ZNF16: variants seen among roughly 807,000 people sequenced by gnomAD.
The protein encoded by ZNF16 is zinc finger protein KOX9.
A neutral mutation model predicts 9.0 loss-of-function variants in ZNF16; 7 were observed. The observed-to-expected ratio is 0.78, with a 90% CI of 0.44 to 1.47. The LOEUF (loss-of-function observed/expected upper bound fraction) is 1.47. Among genes scored for constraint, ZNF16 ranks in the 40% most tolerant of loss-of-function variants. ZNF16 has a pLI of 0.01. For synonymous variants in ZNF16, 312 were observed against 301.5 expected (o/e 1.03, Z -0.36); for missense variants, 830 against 854.2 (o/e 0.97, Z 0.35).
At chr8:144,946,698 T>C (rs1446894252) in intron 1 of ZNF16, among the ~76,000 whole-genome samples, 5 of 112,386 alleles carry the variant, frequency 4.4e-5, no homozygotes, top group African/African-American at 1.9e-4. Context: ...TACCCTGCTG[T>C]GGGCCCGTGT....
At chr8:144,947,937 T>C (rs1362738275) in intron 1 of ZNF16, 1 of 152,256 alleles carries the variant, frequency 6.6e-6, no homozygotes, top group Non-Finnish European at 1.5e-5. Flanking sequence ...AGCACTGACA[T>C]ACCTCAGCCC....
Position 144,933,414 on chromosome 8 carries a change from CAGAA to C in ZNF16, c.197-828_197-825del, listed in dbSNP as rs1833604561. Among the ~76,000 whole-genome samples the C allele has an allele frequency of 1.3e-5, 2 of 152,186 alleles. No homozygotes were observed. Among genetic ancestry groups the C allele is most frequent in the Non-Finnish European group, 2.9e-5 (2 of 68,034 alleles). On this transcript the variant is annotated intron_variant, in intron 2 of 2. Transcript: ENST00000394909. The surrounding 1 kb of genome is among the most constrained non-coding windows in gnomAD (Gnocchi z 5.6). ...ACAATGTGCGTCATCTTTCCGCAGA[CAGAA>C]ATGCACACAAAGCTCCGTGTCTGCC...
rs371030277 is a variant in ZNF16, at chr8:144,931,624, T to C, written c.1163A>G (p.Gln388Arg). 8.7e-6 allele frequency: 14 copies of C among 1,613,982 alleles called. No homozygotes were observed. The African/African-American group carries it at 1.9e-4, about 22-fold the overall frequency. The change falls in exon 3 of 3, where the codon CAG becomes CGG. Residue 388 changes from glutamine (Q) to arginine (R), a missense_variant. Physicochemically the swap from Gln to Arg is conservative, Grantham distance 43 (BLOSUM62 1). Coordinates refer to ENST00000394909, the MANE Select transcript of ZNF16 (RefSeq NM_006958.3). ...ECGECGKAFS[Q>R]SAHLRKHQRV... ...CTGGTGCTTCCTCAGGTGTGCACTCTGGCTGAAGGCTTTCCCACACTCGCC... is the reference window on the plus strand; with the variant it reads ...CTGGTGCTTCCTCAGGTGTGCACTCCGGCTGAAGGCTTTCCCACACTCGCC...
At chr8:144,942,659 A>T (rs2130037688) in intron 2 of ZNF16, among the ~76,000 whole-genome samples, 1 of 152,312 alleles carries the variant, frequency 6.6e-6, no homozygotes, top group East Asian at 1.9e-4. Context: ...AAAACAACTG[A>T]TACCAGTTTA....
chr8:144,944,011 T>A (rs185743654), intron 2 of ZNF16: 2 of 152,204 alleles, frequency 1.3e-5, no homozygotes, highest in African/African-American at 4.8e-5. Flanking sequence ...GATATTTTCA[T>A]TTTGTTCACA....
intron 1 of ZNF16, chr8:144,948,265 G>T (rs375697731): frequency 5.9e-5 from 9 of 152,298 alleles, no homozygotes; most frequent in African/African-American, 1.9e-4. Context: ...ACATTTCTGT[G>T]TCAGGAGAGA....
At chr8:144,940,070 C>T (rs1833766208) in intron 2 of ZNF16, among the ~76,000 whole-genome samples, 1 of 151,886 alleles carries the variant, frequency 6.6e-6, no homozygotes, top group African/African-American at 2.4e-5. Context: ...TTAAATCTGA[C>T]TTATATCTTT....
chr8:144,948,509 C>T (rs963547858), intron 1 of ZNF16: 5 of 152,156 alleles, frequency 3.3e-5, no homozygotes, highest in Admixed American at 3.3e-4. Context: ...TAATAATCTG[C>T]AATATTTATT....
At chr8:144,946,981 T>C (rs1318951502) in intron 1 of ZNF16, among the ~76,000 whole-genome samples, 1 of 105,038 alleles carries the variant, frequency 9.5e-6, no homozygotes, top group East Asian at 3.1e-4. Flanking sequence ...TGGGCCTGTG[T>C]CCTGCTGTGG....
chr8:144,943,788 G>A (rs1318763285), intron 2 of ZNF16, among the ~76,000 whole-genome samples: 1 of 152,138 alleles, frequency 6.6e-6, no homozygotes, highest in Non-Finnish European at 1.5e-5. Flanking sequence ...CCAAAGTGCT[G>A]GGATGACAGG....
intron 1 of ZNF16, among the ~76,000 whole-genome samples, chr8:144,946,557 CT>C (rs1833938087): frequency 8.2e-6 from 1 of 122,374 alleles, no homozygotes; most frequent in African/African-American, 3.2e-5. Flanking sequence ...GCTGTGGGGC[CT>C]GTACCCTGCT....
intron 2 of ZNF16, chr8:144,944,512 G>C (rs1463913463): frequency 1.3e-5 from 2 of 152,242 alleles, no homozygotes. Flanking sequence ...ACCATGCCCA[G>C]CCTAGTTCTC....
At chr8:144,935,810 C>T (rs1236399077) in intron 2 of ZNF16, among the ~76,000 whole-genome samples, 1 of 152,208 alleles carries the variant, frequency 6.6e-6, no homozygotes, top group African/African-American at 2.4e-5. Context: ...CCACGACCTC[C>T]CTCAGAGCCT....
At chr8:144,950,731 C>T (rs1171819298) in intron 1 of ZNF16, 66 bp downstream of exon 1, 1 of 152,174 alleles carries the variant, frequency 6.6e-6, no homozygotes. Context: ...CCTGGGCCCC[C>T]CAACCACGGG....
chr8:144,936,209 C>T (rs1833678539), intron 2 of ZNF16, among the ~76,000 whole-genome samples: 1 of 152,296 alleles, frequency 6.6e-6, no homozygotes, highest in East Asian at 1.9e-4. Flanking sequence ...TTCTTTCACT[C>T]GGCACATCTC....
At position 144,930,805 on chromosome 8, in the gene ZNF16, G is replaced by C. The variant is rs751501485; in HGVS notation, c.1982C>G (p.Ala661Gly). ...TCGCTGGCTGAAGGCTTTCCCACAA[G>C]CAGCACAGTCATAGGGCTTCACCCC... ...HTGVKPYDCA[A>G]CGKAFSQRSK... The change falls in exon 3 of 3, where the codon GCT (alanine) becomes GGT (glycine). Residue 661 changes from alanine to glycine, a missense_variant. Coordinates refer to ENST00000394909, the MANE Select transcript of ZNF16 (RefSeq NM_006958.3). 1 of 1,556,158 alleles carries C rather than the reference G, an allele frequency of 6.4e-7. No homozygotes were observed. The highest frequency in any genetic ancestry group is 8.7e-7 in the Non-Finnish European group (1 of 1,153,598).
intron 2 of ZNF16, among the ~76,000 whole-genome samples, chr8:144,935,464 C>A (rs1016847131): frequency 1.3e-5 from 2 of 151,418 alleles, no homozygotes. Context: ...CCTCGGCCTC[C>A]CAGACTGCTG....
At chr8:144,936,747 G>A (rs1833691204) in intron 2 of ZNF16, among the ~76,000 whole-genome samples, 2 of 145,864 alleles carry the variant, frequency 1.4e-5, no homozygotes, top group Admixed American at 6.7e-5. Context: ...TTATTTATGA[G>A]ACAGAGTCTT....
chr8:144,946,371 G>C (rs1054633756), intron 1 of ZNF16, among the ~76,000 whole-genome samples, 156 bp from the exon 2 acceptor site: 1 of 152,180 alleles, frequency 6.6e-6, no homozygotes, highest in Non-Finnish European at 1.5e-5. Context: ...TGTGTTTCCT[G>C]ATCTTGGACC....
Sources: allele counts gnomAD v4.1 joint callset (sites outside exome capture counted in the v4.1 genomes callset), GRCh38; gene constraint gnomAD v4.1.1; non-coding constraint Gnocchi (gnomAD v3.1); transcripts MANE v1.5; gene names NCBI Gene and HGNC (gene_info 2026-07-23, HGNC 2026-07-21).